Variants in PHKB observed in about 807,000 individuals in gnomAD.
PHKB encodes the protein phosphorylase b kinase regulatory subunit beta.
Under a neutral mutation model 152.1 loss-of-function variants are expected in PHKB, and 122 were observed. That is an observed-to-expected ratio of 0.80 (90% CI 0.69 to 0.93). The LOEUF is 0.93. Ranked by LOEUF, PHKB falls within the 40% of genes least tolerant of loss-of-function variation. The pLI is 0.00. For missense variants in PHKB, 1,304 were observed against 1,328.4 expected (o/e 0.98, Z 0.29); for synonymous variants, 436 against 464.9 (o/e 0.94, Z 0.80).
At chr16:47,484,886 A>G (rs1301727857) in intron 1 of PHKB, among the ~76,000 whole-genome samples, 2 of 152,222 alleles carry the variant, frequency 1.3e-5, no homozygotes, top group South Asian at 2.1e-4. Flanking sequence ...CATTTTTACA[A>G]TCAGAACTAT....
intron 13 of PHKB, among the ~76,000 whole-genome samples, chr16:47,607,821 T>C (rs1297073958): frequency 1.3e-5 from 2 of 152,212 alleles, no homozygotes; most frequent in African/African-American, 4.8e-5. Context: ...TTTCTGTTTC[T>C]CCACATCTTT....
intron 26 of PHKB, among the ~76,000 whole-genome samples, chr16:47,680,421 C>T (rs995023718): frequency 6.6e-6 from 1 of 152,156 alleles, no homozygotes. Context: ...GGTTGGTAAG[C>T]TATTAATTAT....
At chr16:47,481,479 T>A (rs1969963188) in intron 1 of PHKB, among the ~76,000 whole-genome samples, 1 of 152,214 alleles carries the variant, frequency 6.6e-6, no homozygotes, top group South Asian at 2.1e-4. Flanking sequence ...TTTCTGTTTT[T>A]AAAAATTACT....
intron 26 of PHKB, among the ~76,000 whole-genome samples, chr16:47,683,917 A>G (rs1973912664): frequency 1.3e-5 from 2 of 152,062 alleles, no homozygotes; most frequent in Admixed American, 6.5e-5. Context: ...ACCTCCAATC[A>G]TTTGTTTAAC....
At chr16:47,691,678 C>T (rs1400723806) in intron 27 of PHKB, among the ~76,000 whole-genome samples, 4 of 145,866 alleles carry the variant, frequency 2.7e-5, no homozygotes, top group Non-Finnish European at 6.0e-5. Flanking sequence ...ACTCCAGCCT[C>T]AGTGATAGAG....
chr16:47,626,238 G>A (rs1042511975), intron 14 of PHKB, among the ~76,000 whole-genome samples: 1 of 152,244 alleles, frequency 6.6e-6, no homozygotes, highest in African/African-American at 2.4e-5. Context: ...ACTAGAAACA[G>A]TTTGGCCTCA....
chr16:47,557,738 G>T (rs1048214413), intron 7 of PHKB, among the ~76,000 whole-genome samples: 42 of 152,146 alleles, frequency 2.8e-4, no homozygotes, highest in Non-Finnish European at 3.8e-4. Context: ...GAAACAACAG[G>T]TGCTGGAGAG....
At chr16:47,694,450 T>C (rs919142954) in intron 28 of PHKB, among the ~76,000 whole-genome samples, 2 of 152,172 alleles carry the variant, frequency 1.3e-5, no homozygotes, top group African/African-American at 4.8e-5. Context: ...TAAGGACCCA[T>C]AGGAAATTGG....
intron 2 of PHKB, 33 bp downstream of exon 2, chr16:47,497,521 G>T: frequency 8.0e-7 from 1 of 1,243,308 alleles, no homozygotes. Context: ...GTGTCCTTAG[G>T]TATCTGCGAT....
chr16:47,558,322 G>T (rs1033248532), intron 7 of PHKB, among the ~76,000 whole-genome samples: 10 of 151,770 alleles, frequency 6.6e-5, no homozygotes, highest in Admixed American at 6.6e-4. Flanking sequence ...GCATGGCACA[G>T]GTATACATAT....
chr16:47,533,171 C>G (rs548285682), intron 6 of PHKB, among the ~76,000 whole-genome samples: 1 of 152,216 alleles, frequency 6.6e-6, no homozygotes, highest in South Asian at 2.1e-4. Flanking sequence ...AGAGAGGAAG[C>G]CTTGGAGTAG....
At chr16:47,593,988 A>T (rs533120249) in intron 11 of PHKB, 149 bp from the exon 12 acceptor site, 31 of 607,026 alleles carry the variant, frequency 5.1e-5, no homozygotes, top group Non-Finnish European at 7.9e-5. Flanking sequence ...TATCACACAG[A>T]TTTGCATTTT....
At chr16:47,488,320 C>T (rs1970084357) in intron 1 of PHKB, among the ~76,000 whole-genome samples, 1 of 152,064 alleles carries the variant, frequency 6.6e-6, no homozygotes. Context: ...GTTTAAATTG[C>T]TTACAGATTC....
At chr16:47,510,140 C>A (rs1207956022) in intron 4 of PHKB, among the ~76,000 whole-genome samples, 1 of 152,178 alleles carries the variant, frequency 6.6e-6, no homozygotes, top group African/African-American at 2.4e-5. Context: ...CCCGTGGTAT[C>A]TGGGGTGCAT....
chr16:47,548,357 C>T (rs1234801197), intron 7 of PHKB, among the ~76,000 whole-genome samples: 9 of 152,084 alleles, frequency 5.9e-5, no homozygotes, highest in East Asian at 1.9e-4. Flanking sequence ...GCCTGTAATC[C>T]GGGCACTTTG....
chr16:47,646,543 AAC>A (rs1973128240), intron 16 of PHKB, among the ~76,000 whole-genome samples: 1 of 148,216 alleles, frequency 6.7e-6, no homozygotes, highest in African/African-American at 2.5e-5. Context: ...AAAAAAAAAA[AAC>A]ATTAAAAATA....
rs547404121 is a variant in PHKB at position 47,512,178 on chromosome 16, TG to T, written c.513+407del. Among the ~76,000 whole-genome samples the T allele has an allele frequency of 3.5e-4, 53 of 152,306 alleles. No homozygotes were observed. The East Asian group carries it at 0.01, about 29-fold the overall frequency. On this transcript the variant is annotated intron_variant, in intron 5 of 30. Transcript: ENST00000323584. ...AGCCCTGTCATAGAAGATTTGAGGC[TG>T]TTTAAAAATAATTTTCAAATTACAT... is the stretch of plus-strand genomic sequence containing the variant.
At chr16:47,553,637 G>A (rs1270713622) in intron 7 of PHKB, among the ~76,000 whole-genome samples, 1 of 152,070 alleles carries the variant, frequency 6.6e-6, no homozygotes, top group Non-Finnish European at 1.5e-5. Context: ...AAGTTTCAGC[G>A]TTTTTGCACT....
At chr16:47,675,598 CGT>C (rs1476425762) in intron 26 of PHKB, 1 of 152,002 alleles carries the variant, frequency 6.6e-6, no homozygotes. Flanking sequence ...TTGCAAAGGC[CGT>C]GTGCTCTCAC....
Sources: gnomAD v4.1 joint callset for allele counts (sites outside exome capture counted in the v4.1 genomes callset) on GRCh38, gnomAD v4.1.1 for gene constraint, MANE v1.5 for transcripts, NCBI Gene and HGNC (gene_info 2026-07-23, HGNC 2026-07-21) for gene names.